MROH2B: variants seen among roughly 807,000 people sequenced by gnomAD.
The protein encoded by MROH2B is maestro heat like repeat family member 2B.
In MROH2B, 177 loss-of-function variants were observed where a neutral mutation model predicts 208.6. That is an observed-to-expected ratio of 0.85 (90% CI 0.75 to 0.96). The LOEUF is 0.96. Ranked by LOEUF, MROH2B falls within the 40% of genes least tolerant of loss-of-function variation. The probability of loss-of-function intolerance (pLI) is 0.00; values close to 1 mark genes in which losing one functional copy is unlikely to be tolerated. For missense variants in MROH2B, 2,002 were observed against 1,878.7 expected (o/e 1.07, Z -1.21); for synonymous variants, 728 against 659.0 (o/e 1.10, Z -1.60).
intron 18 of MROH2B, among the ~76,000 whole-genome samples, 166 bp from the exon 19 acceptor site, chr5:41,042,374 C>A (rs566077796): frequency 7.2e-5 from 11 of 152,160 alleles, no homozygotes; most frequent in African/African-American, 2.7e-4. Flanking sequence ...TTCCTCCAGG[C>A]TCTGCCCTCC....
chr5:41,005,511 T>G lies in MROH2B; in HGVS notation c.3864+20A>C, dbSNP rs1156278473. The G allele has an allele frequency of 6.8e-7, 1 of 1,470,134 alleles. No homozygotes were observed. The highest frequency in any genetic ancestry group is 9.2e-7 in the Non-Finnish European group (1 of 1,090,732). 91.1% of individuals were successfully genotyped at this position (1,470,134 alleles called of 1,614,324 possible). A position where few individuals can be genotyped will look rare whatever the true frequency, so the allele number is the denominator to read the frequency against. ...CTATGGGGACCCAGTGAGTGTGCTCTGAGGGCTGTTCTCCCTTGCCTCAGA... is the reference window on the plus strand; with the variant it reads ...CTATGGGGACCCAGTGAGTGTGCTCGGAGGGCTGTTCTCCCTTGCCTCAGA... On this transcript the variant is annotated intron_variant, in intron 35 of 41. Coordinates refer to ENST00000399564, the MANE Select transcript of MROH2B (RefSeq NM_173489.5).
intron 35 of MROH2B, 64 bp downstream of exon 35, chr5:41,005,467 A>T: frequency 1.3e-6 from 1 of 743,082 alleles, no homozygotes; most frequent in East Asian, 6.5e-5. Flanking sequence ...ACTGGGCTCC[A>T]GACCATAAGA....
At chr5:41,016,498 GTTTTTTTTTTTT>G (rs10689623) in intron 28 of MROH2B, among the ~76,000 whole-genome samples, 1 of 80,796 alleles carries the variant, frequency 1.2e-5, no homozygotes, top group African/African-American at 5.0e-5. Context: ...CTACTGTAAT[GTTTTTTTTTTTT>G]TTTTTTTTTT....
intron 28 of MROH2B, among the ~76,000 whole-genome samples, chr5:41,017,427 G>A (rs968604153): frequency 6.6e-6 from 1 of 152,148 alleles, no homozygotes; most frequent in Non-Finnish European, 1.5e-5. Context: ...TGTGATAGAG[G>A]AAGCATTGCT....
chr5:40,998,819 C>T, intron 40 of MROH2B, 142 bp from the exon 41 acceptor site: 1 of 646,270 alleles, frequency 1.5e-6, no homozygotes, highest in Non-Finnish European at 2.7e-6. Context: ...CCTTTGCACC[C>T]CCTAGAATGA....
At chr5:41,061,038 G>A (rs889781213) in intron 6 of MROH2B, among the ~76,000 whole-genome samples, 36 of 152,172 alleles carry the variant, frequency 2.4e-4, no homozygotes, top group African/African-American at 8.2e-4. Flanking sequence ...ACATGTGAAT[G>A]CACTTTGTAA....
intron 36 of MROH2B, 69 bp from the exon 37 acceptor site, chr5:41,004,597 T>C: frequency 6.5e-7 from 1 of 1,536,488 alleles, no homozygotes; most frequent in Non-Finnish European, 8.7e-7. Context: ...GTAGGAGTCC[T>C]CAGACAAGAG....
rs181913247 is a variant in MROH2B at position 41,017,911 on chromosome 5, A to C, written c.2823T>G (p.Asp941Glu). 1 of 1,587,230 alleles carries C rather than the reference A, an allele frequency of 6.3e-7. No homozygotes were observed. Among genetic ancestry groups the C allele is most frequent in the African/African-American group, 1.3e-5 (1 of 74,656 alleles). The change falls in exon 28 of 42, where the codon GAT becomes GAG. Residue 941 changes from aspartate to glutamate, a missense_variant. Physicochemically the swap from Asp to Glu is conservative, Grantham distance 45. Coordinates refer to ENST00000399564, the MANE Select transcript of MROH2B (RefSeq NM_173489.5). ...CCGCCTGACGGATGGTGGGCAGGGT[A>C]TCACAGGAGTGAGGAGCCAGAAGTC... Reference protein sequence around the residue: ...LLGLLAPHSCDTLPTIRQAAA... With the variant: ...LLGLLAPHSCETLPTIRQAAA...
chr5:41,041,611 G>A lies in MROH2B; in HGVS notation c.1953+481C>T, dbSNP rs147217959. ...TGCACTCCACCCCGGGTGACAGAGCGACACTCTGTCTCAACAACAACAACA... is the reference window on the plus strand; with the variant it reads ...TGCACTCCACCCCGGGTGACAGAGCAACACTCTGTCTCAACAACAACAACA... On this transcript the variant is annotated intron_variant, in intron 19 of 41. Transcript: ENST00000399564. Among the ~76,000 whole-genome samples, 70 of 152,144 alleles carry A rather than the reference G, an allele frequency of 4.6e-4. 1 individual carries two copies. The highest frequency in any genetic ancestry group is 1.2e-3 in the African/African-American group (49 of 41,534).
At chr5:41,063,634 G>A (rs200544200) in intron 5 of MROH2B, among the ~76,000 whole-genome samples, 12 of 152,306 alleles carry the variant, frequency 7.9e-5, no homozygotes, top group East Asian at 5.8e-4. Flanking sequence ...TCCTGACAGC[G>A]TGGGCTTTTA....
At chr5:41,038,682 C>A (rs1742842411) in intron 21 of MROH2B, 54 bp downstream of exon 21, 1 of 1,533,778 alleles carries the variant, frequency 6.5e-7, no homozygotes, top group Non-Finnish European at 8.8e-7. Flanking sequence ...TGAGCCCCTG[C>A]AAGTTTTAGG....
rs116297843 is a variant in MROH2B at position 41,032,066 on chromosome 5, T to C, written c.2441+676A>G. On this transcript the variant is annotated intron_variant, in intron 24 of 41. Coordinates refer to ENST00000399564, the MANE Select transcript of MROH2B (RefSeq NM_173489.5). Reference sequence around the variant, plus strand: ...TGCATATGTCTTCACAGTAGAGCTATTTATATTATCCCCTGGGTATATACC... The same window carrying C: ...TGCATATGTCTTCACAGTAGAGCTACTTATATTATCCCCTGGGTATATACC... Among the ~76,000 whole-genome samples, 328 of 152,202 alleles carry C rather than the reference T, an allele frequency of 2.2e-3. 3 individuals are homozygous for C. Among genetic ancestry groups the C allele is most frequent in the African/African-American group, 7.4e-3 (308 of 41,560 alleles).
chr5:41,058,319 G>A, intron 6 of MROH2B, 116 bp from the exon 7 acceptor site: 1 of 1,015,574 alleles, frequency 9.8e-7, no homozygotes, highest in South Asian at 2.7e-5. Context: ...TTTCAGCCAA[G>A]AAATAATTCT....
rs572996118 is a variant in MROH2B, at chr5:41,015,226, A to T, written c.2982+155T>A. Among the ~76,000 whole-genome samples the T allele has an allele frequency of 3.3e-5, 5 of 152,340 alleles. No homozygotes were observed. In the East Asian group the frequency reaches 9.7e-4, roughly 29 times the overall value. On this transcript the variant is annotated intron_variant, in intron 29 of 41. Transcript: ENST00000399564. ...CTGAAATGATCAGTAATGAGTGTTGACTAGGCATGTGTACTCTAAGTTAGA... is the reference window on the plus strand; with the variant it reads ...CTGAAATGATCAGTAATGAGTGTTGTCTAGGCATGTGTACTCTAAGTTAGA...
At chr5:41,023,828 G>T (rs4496748) in intron 24 of MROH2B, among the ~76,000 whole-genome samples, 2 of 151,980 alleles carry the variant, frequency 1.3e-5, no homozygotes, top group Non-Finnish European at 2.9e-5. Flanking sequence ...GACTAACAGC[G>T]GATCTCTCCA....
intron 19 of MROH2B, 143 bp from the exon 20 acceptor site, chr5:41,039,698 G>A (rs1742883770): frequency 1.8e-6 from 1 of 571,374 alleles, no homozygotes; most frequent in Non-Finnish European, 3.1e-6. Flanking sequence ...CCCCATCTTT[G>A]TAAGGTATAC....
intron 18 of MROH2B, among the ~76,000 whole-genome samples, chr5:41,044,071 C>T (rs1361689795): frequency 7.6e-6 from 1 of 131,556 alleles, no homozygotes; most frequent in African/African-American, 3.0e-5. Context: ...AACCCCGTCT[C>T]TACTAAAAAT....
intron 6 of MROH2B, among the ~76,000 whole-genome samples, chr5:41,058,767 G>A (rs1366244423): frequency 4.0e-5 from 6 of 151,876 alleles, no homozygotes; most frequent in Non-Finnish European, 8.8e-5. Flanking sequence ...GAACCTTCAA[G>A]CTGGCAGGAT....
intron 19 of MROH2B, among the ~76,000 whole-genome samples, chr5:41,040,754 C>T (rs1237566104): frequency 2.6e-5 from 4 of 152,092 alleles, no homozygotes; most frequent in African/African-American, 9.7e-5. Context: ...GCAACCTCCC[C>T]TCCTGGGTTC....
Sources: allele counts gnomAD v4.1 joint callset (sites outside exome capture counted in the v4.1 genomes callset), GRCh38; gene constraint gnomAD v4.1.1; transcripts MANE v1.5; gene names NCBI Gene and HGNC (gene_info 2026-07-23, HGNC 2026-07-21).